The following PDE9A variants were observed in gnomAD, a reference collection of about 807,000 sequenced individuals.
PDE9A encodes phosphodiesterase 9A, also known as high affinity cGMP-specific 3',5'-cyclic phosphodiesterase 9A.
A neutral mutation model predicts 87.4 loss-of-function variants in PDE9A; 60 were observed. The ratio of observed to expected loss-of-function variants is 0.69; its 90% CI spans 0.56 to 0.85. The LOEUF (loss-of-function observed/expected upper bound fraction) is 0.85, where lower values mean the gene tolerates loss of function less well. Among genes scored for constraint, PDE9A ranks in the 40% least tolerant of loss-of-function variants. The probability of loss-of-function intolerance (pLI) is 0.00; values close to 1 mark genes in which losing one functional copy is unlikely to be tolerated. For synonymous variants in PDE9A, 272 were observed against 279.4 expected, an observed-to-expected ratio of 0.97 and a Z score of 0.27; for missense variants, 665 against 779.0, an observed-to-expected ratio of 0.85 and a Z score of 1.74.
chr21:42,746,552 C>T (rs2053869881), intron 8 of PDE9A, among the ~76,000 whole-genome samples: 1 of 152,208 alleles, frequency 6.6e-6, no homozygotes, highest in Admixed American at 6.5e-5. Flanking sequence ...GTAGGGGTCA[C>T]CCTCCTCCAG....
chr21:42,770,378 C>T (rs1357068387), intron 17 of PDE9A, among the ~76,000 whole-genome samples: 44 of 152,218 alleles, frequency 2.9e-4, no homozygotes, highest in Admixed American at 2.9e-3. Flanking sequence ...TTCCCACTCC[C>T]AGGACCCTCA....
At chr21:42,689,062 G>A (rs923057260) in intron 3 of PDE9A, among the ~76,000 whole-genome samples, 6 of 151,094 alleles carry the variant, frequency 4.0e-5, no homozygotes, top group African/African-American at 1.5e-4. Flanking sequence ...TGTGGCCAGC[G>A]CCATCCCCCT....
intron 1 of PDE9A, among the ~76,000 whole-genome samples, chr21:42,667,165 A>C (rs573051595): frequency 6.6e-6 from 1 of 152,386 alleles, no homozygotes; most frequent in South Asian, 2.1e-4. Flanking sequence ...AGCCTGGCCA[A>C]CCACATGACC....
intron 4 of PDE9A, among the ~76,000 whole-genome samples, chr21:42,717,696 A>C (rs1007686239): frequency 2.0e-5 from 3 of 150,782 alleles, no homozygotes. Flanking sequence ...CCAGGCAAGG[A>C]ACATGCCTTT....
intron 1 of PDE9A, among the ~76,000 whole-genome samples, chr21:42,670,055 T>C (rs1290996579): frequency 6.6e-6 from 1 of 151,588 alleles, no homozygotes; most frequent in Non-Finnish European, 1.5e-5. Flanking sequence ...ACACACACAC[T>C]TACACATTCA....
At chr21:42,737,327 T>A (rs1479862935) in intron 7 of PDE9A, among the ~76,000 whole-genome samples, 1 of 152,270 alleles carries the variant, frequency 6.6e-6, no homozygotes, top group Non-Finnish European at 1.5e-5. Flanking sequence ...GGATGTCACA[T>A]ATACATGCAC....
chr21:42,687,424 A>G (rs144657014), intron 2 of PDE9A, among the ~76,000 whole-genome samples: 2 of 152,340 alleles, frequency 1.3e-5, no homozygotes, highest in Admixed American at 6.5e-5. Context: ...AAGATCAGAG[A>G]TTAACTTGGT....
rs143706818 is a variant in PDE9A, at chr21:42,751,039, G to A, written c.654-77G>A. 1,799 of 952,148 alleles carry A rather than the reference G, an allele frequency of 1.9e-3. 4 individuals carry two copies. Among genetic ancestry groups the A allele is most frequent in the Non-Finnish European group, 2.5e-3 (1,436 of 578,086 alleles). 59.0% of individuals were successfully genotyped at this position (952,148 alleles called of 1,614,324 possible). On this transcript the variant is annotated intron_variant, in intron 8 of 19. Transcript: ENST00000291539. ...ACGGGGCTTGGGGGTTGGGTTTGTC[G>A]CTTGCTTTTGCTGTGCTGAGGGCTT...
intron 1 of PDE9A, among the ~76,000 whole-genome samples, chr21:42,657,901 A>G (rs1022036205): frequency 2.0e-5 from 3 of 152,236 alleles, no homozygotes; most frequent in African/African-American, 4.8e-5. Flanking sequence ...AGGTCTGAAC[A>G]CATCGGTGGC....
In PDE9A at chr21:42,675,631, A is replaced by C. The variant is rs2058807462; in HGVS notation, c.70-10561A>C. On this transcript the variant is annotated intron_variant, in intron 1 of 19. Transcript: ENST00000291539. This position sits in a 1 kb window ranked among gnomAD's most constrained non-coding sequence, Gnocchi z 4.3. ...GCGCCAGCCTCACTGCCTCTGCGTT[A>C]GTGCCGCCACTTCATCTCAGATACT... 6.6e-6 allele frequency among the ~76,000 whole-genome samples: 1 copy of C among 152,184 alleles called. No individual in the cohort carries two copies. The highest frequency in any genetic ancestry group is 2.4e-5 in the African/African-American group (1 of 41,452).
At chr21:42,701,557 C>T (rs2048386513) in intron 4 of PDE9A, among the ~76,000 whole-genome samples, 1 of 152,094 alleles carries the variant, frequency 6.6e-6, no homozygotes, top group African/African-American at 2.4e-5. Context: ...CCTCCTCAGC[C>T]TCCCAAGTAG....
rs995164311 is a variant in PDE9A, at chr21:42,731,960, G to T, written c.442+11G>T. 1 of 1,612,552 alleles carries T rather than the reference G, an allele frequency of 6.2e-7. No homozygotes were observed. The highest frequency in any genetic ancestry group is 1.3e-5 in the African/African-American group (1 of 75,038). On this transcript the variant is annotated intron_variant, in intron 5 of 19. Transcript: ENST00000291539. Reference sequence around the variant, plus strand: ...AGCGCATCCCTCCAGGTAACGGGCAGCTCCTCGGCCACAGCCTCCACCCCC... The same window carrying T: ...AGCGCATCCCTCCAGGTAACGGGCATCTCCTCGGCCACAGCCTCCACCCCC...
Position 42,670,297 on chromosome 21 carries a change from ACACATACACTTAGACACCACACT to A in PDE9A, c.70-15889_70-15867del, listed in dbSNP as rs1338840234. Among the ~76,000 whole-genome samples the A allele has an allele frequency of 6.7e-4, 98 of 145,594 alleles. 2 individuals carry two copies. Among genetic ancestry groups the A allele is most frequent in the African/African-American group, 2.3e-3 (84 of 36,750 alleles). Reference sequence around the variant, plus strand: ...CACACATTCACACATACACATTCACACACATACACTTAGACACCACACTCACATTCACACACATTCACATACAT... The same window carrying A: ...CACACATTCACACATACACATTCACACACATTCACACACATTCACATACAT... On this transcript the variant is annotated intron_variant, in intron 1 of 19. Transcript: ENST00000291539.
At position 42,660,986 on chromosome 21, in the gene PDE9A, AAAG is replaced by A. The variant is rs1813410346; in HGVS notation, c.69+7109_69+7111del. Among the ~76,000 whole-genome samples, 1 of 152,094 alleles carries A rather than the reference AAAG, an allele frequency of 6.6e-6. No individual in the cohort carries two copies. Among genetic ancestry groups the A allele is most frequent in the Admixed American group, 6.5e-5 (1 of 15,274 alleles). ...TGAAAACTCGGTCTAGAAACAACTA[AAAG>A]AAGAACCACAGCATTTTATTCCGTT... On this transcript the variant is annotated intron_variant, in intron 1 of 19. Transcript: ENST00000291539. The surrounding 1 kb of genome is among the most constrained non-coding windows in gnomAD (Gnocchi z 4.7).
At chr21:42,720,363 G>A (rs898520268) in intron 4 of PDE9A, among the ~76,000 whole-genome samples, 8 of 152,072 alleles carry the variant, frequency 5.3e-5, no homozygotes, top group Non-Finnish European at 1.0e-4. Flanking sequence ...GCATGGTCAC[G>A]CATGCCTGTA....
At chr21:42,738,323 GT>G (rs2146810509) in intron 7 of PDE9A, among the ~76,000 whole-genome samples, 1 of 152,352 alleles carries the variant, frequency 6.6e-6, no homozygotes, top group East Asian at 1.9e-4. Context: ...GGGCTCTTTA[GT>G]GAGGCTCCTG....
Position 42,663,644 on chromosome 21 carries a change from G to A in PDE9A, c.69+9761G>A, listed in dbSNP as rs1004816703. The stretch of plus-strand genomic sequence containing the variant: ...TGCGGTCATGCAGCCCGACTCTTGG[G>A]GGCGGGGTGCCACCGTGATGTGCCG... On this transcript the variant is annotated intron_variant, in intron 1 of 19. Transcript: ENST00000291539. Among the ~76,000 whole-genome samples the A allele has an allele frequency of 5.3e-5, 8 of 152,196 alleles. 1 individual carries two copies. Among genetic ancestry groups the A allele is most frequent in the Admixed American group, 1.3e-4 (2 of 15,278 alleles).
chr21:42,769,606 G>A, intron 17 of PDE9A, among the ~76,000 whole-genome samples: 1 of 118,312 alleles, frequency 8.5e-6, no homozygotes, highest in Admixed American at 8.4e-5. Context: ...GCACACAAAT[G>A]CACATGCAGG....
intron 4 of PDE9A, among the ~76,000 whole-genome samples, chr21:42,708,673 G>A (rs577084733): frequency 6.6e-6 from 1 of 152,346 alleles, no homozygotes; most frequent in Admixed American, 6.5e-5. Context: ...TCCTGCCTCA[G>A]CCTCCCGTGT....
Sources: allele counts gnomAD v4.1 joint callset (sites outside exome capture counted in the v4.1 genomes callset), GRCh38; gene constraint gnomAD v4.1.1; non-coding constraint Gnocchi (gnomAD v3.1); transcripts MANE v1.5; gene names NCBI Gene and HGNC (gene_info 2026-07-23, HGNC 2026-07-21).